The following TMEM63B variants were observed in gnomAD, a reference collection of about 807,000 sequenced individuals.
The protein encoded by TMEM63B is transmembrane protein 63B, also known as mechanosensitive cation channel TMEM63B.
A neutral mutation model predicts 102.6 loss-of-function variants in TMEM63B; 23 were observed. The observed-to-expected ratio is 0.22, with a 90% CI of 0.16 to 0.32. TMEM63B has a LOEUF of 0.32. TMEM63B is among the 10% of genes least tolerant of loss of function. TMEM63B has a pLI of 1.00. For missense variants in TMEM63B, 628 were observed against 1,095.9 expected, an observed-to-expected ratio of 0.57 and a Z score of 6.03; for synonymous variants, 444 against 437.0, an observed-to-expected ratio of 1.02 and a Z score of -0.20.
Position 44,154,163 on chromosome 6 carries a change from A to T in TMEM63B, c.2201A>T (p.Lys734Ile). 3 of 1,614,038 alleles carry T rather than the reference A, an allele frequency of 1.9e-6. No homozygotes were observed. The highest frequency in any genetic ancestry group is 2.5e-6 in the Non-Finnish European group (3 of 1,179,956). ...TGCCACGTCTGCTTTGGACACTTCA[A>T]ATACCTCAGTGCCCACAACTACAAG... Reference protein sequence around the residue: ...CLCHVCFGHFKYLSAHNYKIE... With the variant: ...CLCHVCFGHFIYLSAHNYKIE... Residue 734 changes from lysine (K) to isoleucine (I), a missense_variant, in exon 22 of 24, where the codon AAA becomes ATA. By Grantham distance (102) the Lys-to-Ile change is moderately radical. This residue lies in a region of TMEM63B where 129 missense variants were observed against 153.5 expected (regional missense o/e 0.84). Coordinates refer to ENST00000323267, the MANE Select transcript of TMEM63B (RefSeq NM_018426.3).
chr6:44,139,383 G>A (rs1582785686), intron 6 of TMEM63B, 84 bp from the exon 7 acceptor site: 1 of 1,554,268 alleles, frequency 6.4e-7, no homozygotes, highest in East Asian at 2.3e-5. Context: ...GTTTGGGGTG[G>A]GAGTGGGTGA....
chr6:44,139,814 T>A, intron 8 of TMEM63B, 55 bp downstream of exon 8: 1 of 1,608,988 alleles, frequency 6.2e-7, no homozygotes. Flanking sequence ...GTCTGGGCCA[T>A]GATGTGGGAC....
intron 10 of TMEM63B, among the ~76,000 whole-genome samples, chr6:44,146,463 T>TTTATTTTTTTTATTTTTTA (rs1765405565): frequency 6.6e-6 from 1 of 151,574 alleles, no homozygotes; most frequent in African/African-American, 2.4e-5. Context: ...TTTTGTCTTT[T>TTTATTTTTTTTATTTTTTA]TTTTTGAGAT....
intron 1 of TMEM63B, among the ~76,000 whole-genome samples, chr6:44,131,733 A>AG (rs1491426637): frequency 4.3e-5 from 4 of 92,486 alleles, no homozygotes; most frequent in African/African-American, 2.3e-4. Context: ...AATACACAAC[A>AG]ACCCCCCCAA....
chr6:44,142,538 A>G (rs1764511007), intron 10 of TMEM63B, among the ~76,000 whole-genome samples: 1 of 152,188 alleles, frequency 6.6e-6, no homozygotes, highest in Admixed American at 6.5e-5. Flanking sequence ...AAAAAAAGAA[A>G]AAAAAATCAT....
chr6:44,141,902 A>G (rs554395254), intron 10 of TMEM63B, among the ~76,000 whole-genome samples: 1 of 150,522 alleles, frequency 6.6e-6, no homozygotes, highest in African/African-American at 2.4e-5. Flanking sequence ...TGGGCAGATC[A>G]CTTGAGCCCA....
chr6:44,140,953 GC>G lies in TMEM63B; in HGVS notation c.712-69del, dbSNP rs1372122020. On this transcript the variant is annotated intron_variant, in intron 9 of 23. Transcript: ENST00000323267. ...TCAAAACAAAGCCTCTTTCTCTAGT[GC>G]CCCCCACCCCTCACATCCCCTGGCT... is the stretch of plus-strand genomic sequence containing the variant. 2.8e-5 allele frequency: 37 copies of G among 1,328,056 alleles called. 1 individual carries two copies. The African/African-American group carries it at 4.2e-4, about 15-fold the overall frequency. The allele number at this position is 1,328,056 out of a possible 1,614,324, so 82.3% of individuals were successfully genotyped here. A position where few individuals can be genotyped will look rare whatever the true frequency, so the allele number is the denominator to read the frequency against.
intron 4 of TMEM63B, 142 bp downstream of exon 4, chr6:44,135,508 G>A (rs1353945147): frequency 4.2e-5 from 46 of 1,105,258 alleles, no homozygotes; most frequent in Non-Finnish European, 5.4e-5. Flanking sequence ...ATTAACGCAG[G>A]CGGTGTGCTT....
At chr6:44,140,584 A>G (rs898816501) in intron 9 of TMEM63B, 15 of 650,964 alleles carry the variant, frequency 2.3e-5, no homozygotes, top group African/African-American at 3.6e-5. Context: ...TGGGGAATAC[A>G]CAGAAACAGC....
chr6:44,128,613 C>T (rs1017768720), intron 1 of TMEM63B, among the ~76,000 whole-genome samples: 15 of 152,258 alleles, frequency 9.9e-5, no homozygotes, highest in Non-Finnish European at 1.8e-4. Flanking sequence ...GGTCTGGCCG[C>T]TCGGGGCAAG....
intron 1 of TMEM63B, among the ~76,000 whole-genome samples, chr6:44,129,392 G>T (rs542403263): frequency 7.6e-4 from 114 of 149,684 alleles, no homozygotes; most frequent in African/African-American, 2.6e-3. Context: ...AGAAAGAAAA[G>T]AAAAAGAAAA....
At chr6:44,134,857 A>C in intron 2 of TMEM63B, 114 bp downstream of exon 2, 1 of 1,504,910 alleles carries the variant, frequency 6.6e-7, no homozygotes, top group Non-Finnish European at 9.1e-7. Flanking sequence ...CTTAAGCAGG[A>C]GGAGTCCCCA....
intron 10 of TMEM63B, 38 bp downstream of exon 10, chr6:44,141,136 C>T (rs772048881): frequency 6.3e-7 from 1 of 1,595,100 alleles, no homozygotes; most frequent in Non-Finnish European, 8.6e-7. Context: ...TCAAGCCCTG[C>T]TGCAGAGCCT....
intron 5 of TMEM63B, 90 bp downstream of exon 5, chr6:44,136,529 T>A (rs1395043571): frequency 5.5e-6 from 5 of 915,474 alleles, no homozygotes; most frequent in Admixed American, 4.1e-5. Context: ...TGATGTGGAG[T>A]CAGGGATGCT....
rs758681511 is a variant in TMEM63B, at chr6:44,154,375, C to T, written c.2237C>T (p.Thr746Met). The T allele has an allele frequency of 1.7e-5, 28 of 1,613,850 alleles. No individual in the cohort carries two copies. The highest frequency in any genetic ancestry group is 9.3e-5 in the African/African-American group (7 of 74,904). The change falls in exon 23 of 24, where the codon ACG (threonine) becomes ATG (methionine). Residue 746 changes from threonine to methionine, a missense_variant. Physicochemically the swap from Thr to Met is moderately conservative, Grantham distance 81. Around this residue, in one of 6 missense-constraint regions of TMEM63B, gnomAD observed 129 missense variants for 153.5 expected, o/e 0.84. Coordinates refer to ENST00000323267, the MANE Select transcript of TMEM63B (RefSeq NM_018426.3). Reference protein sequence around the residue: ...LSAHNYKIEHTETDTVDPRSN... With the variant: ...LSAHNYKIEHMETDTVDPRSN... Reference sequence around the variant, plus strand: ...TCTGGGCCCCTCAAGATTGAGCACACGGAGACAGATACTGTGGACCCCAGA... The same window carrying T: ...TCTGGGCCCCTCAAGATTGAGCACATGGAGACAGATACTGTGGACCCCAGA...
chr6:44,135,798 G>C (rs1032137992), intron 4 of TMEM63B, among the ~76,000 whole-genome samples: 1 of 152,188 alleles, frequency 6.6e-6, no homozygotes, highest in Non-Finnish European at 1.5e-5. Flanking sequence ...TGCCCAAGGA[G>C]CCCCCCAGTC....
At chr6:44,140,414 T>C (rs768176090) in intron 9 of TMEM63B, 54 bp downstream of exon 9, 4 of 1,401,552 alleles carry the variant, frequency 2.9e-6, no homozygotes, top group Non-Finnish European at 4.0e-6. Flanking sequence ...TCCCTTCCCT[T>C]CCCTGCAGGC....
chr6:44,146,358 G>A (rs536804683), intron 10 of TMEM63B, among the ~76,000 whole-genome samples: 1 of 152,172 alleles, frequency 6.6e-6, no homozygotes, highest in East Asian at 1.9e-4. Flanking sequence ...TCCCCACTCA[G>A]ATAAGCATGA....
chr6:44,141,139 C>T lies in TMEM63B; in HGVS notation c.782+41C>T, dbSNP rs1237806844. The T allele has an allele frequency of 2.5e-6, 4 of 1,593,246 alleles. 1 individual carries two copies. In the Admixed American group the frequency reaches 6.7e-5, roughly 27 times the overall value. On this transcript the variant is annotated intron_variant, in intron 10 of 23. Coordinates refer to ENST00000323267, the MANE Select transcript of TMEM63B (RefSeq NM_018426.3). ...TTCCCCCTACCCTCAAGCCCTGCTGCAGAGCCTTCTCTGCCTTTGAACTCT... is the reference window on the plus strand; with the variant it reads ...TTCCCCCTACCCTCAAGCCCTGCTGTAGAGCCTTCTCTGCCTTTGAACTCT...
Sources: allele counts gnomAD v4.1 joint callset (sites outside exome capture counted in the v4.1 genomes callset), GRCh38; gene constraint gnomAD v4.1.1; regional missense constraint gnomAD v4.1.1; transcripts MANE v1.5; gene names NCBI Gene and HGNC (gene_info 2026-07-23, HGNC 2026-07-21).